The following RAD54L2 variants were observed in gnomAD, a reference collection of about 807,000 sequenced individuals.
RAD54L2 encodes RAD54 like 2, also known as helicase ARIP4.
In RAD54L2, 27 loss-of-function variants were observed where a neutral mutation model predicts 138.4. That is an observed-to-expected ratio of 0.20 (90% CI 0.14 to 0.27). The LOEUF (loss-of-function observed/expected upper bound fraction) is 0.27. Among genes scored for constraint, RAD54L2 ranks in the 10% least tolerant of loss-of-function variants. The pLI is 1.00. For synonymous variants in RAD54L2, 644 were observed against 723.2 expected (o/e 0.89, Z 1.76); for missense variants, 1,396 against 1,890.2 (o/e 0.74, Z 4.85).
chr3:51,589,988 T>A (rs571421683), intron 2 of RAD54L2, among the ~76,000 whole-genome samples: 1 of 152,048 alleles, frequency 6.6e-6, no homozygotes, highest in Non-Finnish European at 1.5e-5. Flanking sequence ...ATGTTCAGCA[T>A]TTTTTTCTTT....
At chr3:51,557,830 CAAAAA>C (rs1166273906) in intron 2 of RAD54L2, among the ~76,000 whole-genome samples, 121 of 32,220 alleles carry the variant, frequency 3.8e-3, no homozygotes, top group African/African-American at 0.014. Context: ...AACTCCATCT[CAAAAA>C]AAAAAAAAAA....
chr3:51,637,594 G>A lies in RAD54L2; in HGVS notation c.1682+91G>A. 1 of 1,285,536 alleles carries A rather than the reference G, an allele frequency of 7.8e-7. No individual in the cohort carries two copies. The highest frequency in any genetic ancestry group is 1.5e-5 in the African/African-American group (1 of 67,198). 79.6% of individuals were successfully genotyped at this position (1,285,536 alleles called of 1,614,324 possible). On this transcript the variant is annotated intron_variant, in intron 11 of 22. Coordinates refer to ENST00000684192, the MANE Select transcript of RAD54L2 (RefSeq NM_015106.4). This position sits in a 1 kb window ranked among gnomAD's most constrained non-coding sequence, Gnocchi z 5.9. ...ACCTGTTATACAGGATAGGGTGTTG[G>A]AGTAGGAGGGCCCCTTCCCTGGGGC...
At chr3:51,585,948 T>G (rs1699697549) in intron 2 of RAD54L2, among the ~76,000 whole-genome samples, 3 of 152,124 alleles carry the variant, frequency 2.0e-5, no homozygotes, top group African/African-American at 7.2e-5. Flanking sequence ...TCACTGGAGA[T>G]TGTAGCAGTG....
At chr3:51,566,050 G>A (rs1361086471) in intron 2 of RAD54L2, among the ~76,000 whole-genome samples, 2 of 151,094 alleles carry the variant, frequency 1.3e-5, no homozygotes, top group Non-Finnish European at 2.9e-5. Flanking sequence ...GGATAGTCTC[G>A]ATCTCCTGAC....
chr3:51,603,462 C>T (rs1002433948), intron 3 of RAD54L2, among the ~76,000 whole-genome samples: 5 of 152,020 alleles, frequency 3.3e-5, no homozygotes, highest in Non-Finnish European at 7.4e-5. Context: ...CAAAGATTAG[C>T]TGAACATGGT....
At chr3:51,615,377 G>A (rs1457779090) in intron 3 of RAD54L2, among the ~76,000 whole-genome samples, 1 of 152,194 alleles carries the variant, frequency 6.6e-6, no homozygotes, top group Non-Finnish European at 1.5e-5. Context: ...TGAAGAGTTA[G>A]GGAAAGCGTG....
chr3:51,588,938 C>A (rs1478405887), intron 2 of RAD54L2, among the ~76,000 whole-genome samples: 5 of 152,124 alleles, frequency 3.3e-5, no homozygotes, highest in Non-Finnish European at 7.4e-5. Context: ...TTCCTTCCTT[C>A]CTTTTGGTTT....
At position 51,627,533 on chromosome 3, in the gene RAD54L2, C is replaced by A. The variant is rs1485934824; in HGVS notation, c.140-20C>A. ...CCCCCTCACCCCTATAAAGCAATGT[C>A]TTTCCCCTTGTTTTTTCAGACCCAT... On this transcript the variant is annotated intron_variant, in intron 3 of 22. Coordinates refer to ENST00000684192, the MANE Select transcript of RAD54L2 (RefSeq NM_015106.4). 2 of 1,548,286 alleles carry A rather than the reference C, an allele frequency of 1.3e-6. No individual in the cohort carries two copies. The highest frequency in any genetic ancestry group is 8.7e-7 in the Non-Finnish European group (1 of 1,145,520).
intron 2 of RAD54L2, among the ~76,000 whole-genome samples, chr3:51,584,691 T>C (rs1048076057): frequency 3.3e-5 from 5 of 149,840 alleles, no homozygotes; most frequent in African/African-American, 7.3e-5. Flanking sequence ...GTACTTACTA[T>C]AGAGTAACTG....
At chr3:51,590,077 G>A (rs758898058) in intron 2 of RAD54L2, among the ~76,000 whole-genome samples, 1 of 152,134 alleles carries the variant, frequency 6.6e-6, no homozygotes, top group African/African-American at 2.4e-5. Context: ...TGCAACCTCT[G>A]CCTCCCCGGT....
In RAD54L2 at chr3:51,643,989, A is replaced by G; in HGVS notation, c.2450+15A>G. 1.3e-6 allele frequency: 2 copies of G among 1,574,478 alleles called. No homozygotes were observed. On this transcript the variant is annotated intron_variant, in intron 16 of 22. Coordinates refer to ENST00000684192, the MANE Select transcript of RAD54L2 (RefSeq NM_015106.4). Reference sequence around the variant, plus strand: ...CTCTCTACAAGGTGAGTGGATCCCAAGAGGGGAGGTCAAAGGAATCTGTTC... The same window carrying G: ...CTCTCTACAAGGTGAGTGGATCCCAGGAGGGGAGGTCAAAGGAATCTGTTC...
chr3:51,579,191 C>T (rs1365436679), intron 2 of RAD54L2, among the ~76,000 whole-genome samples: 2 of 143,188 alleles, frequency 1.4e-5, no homozygotes, highest in African/African-American at 5.2e-5. Context: ...GAGACAGAGT[C>T]TCACGGTGTC....
rs186955492 is a variant in RAD54L2, at chr3:51,628,545, A to G, written c.342-789A>G. On this transcript the variant is annotated intron_variant, in intron 4 of 22. Coordinates refer to ENST00000684192, the MANE Select transcript of RAD54L2 (RefSeq NM_015106.4). ...GCTGGAACCATAGGTGCCCGCCACCACACCTGGCTAATTTTTGTATTTGTA... is the reference window on the plus strand; with the variant it reads ...GCTGGAACCATAGGTGCCCGCCACCGCACCTGGCTAATTTTTGTATTTGTA... Among the ~76,000 whole-genome samples the G allele has an allele frequency of 1.1e-3, 164 of 152,130 alleles. 1 individual carries two copies. The highest frequency in any genetic ancestry group is 9.1e-3 in the Admixed American group (139 of 15,264).
At chr3:51,611,398 T>G (rs1559636133) in intron 3 of RAD54L2, 4 of 152,172 alleles carry the variant, frequency 2.6e-5, no homozygotes, top group African/African-American at 9.7e-5. Context: ...AAGCATTTAC[T>G]GTTTATGTTG....
intron 3 of RAD54L2, among the ~76,000 whole-genome samples, chr3:51,613,849 G>T (rs1231338410): frequency 1.3e-5 from 2 of 152,016 alleles, no homozygotes; most frequent in Non-Finnish European, 2.9e-5. Context: ...TTCTGCTAAA[G>T]CAGTGATTCG....
Position 51,630,892 on chromosome 3 carries a change from C to A in RAD54L2, c.786C>A (p.Phe262Leu), listed in dbSNP as rs1392426924. The change falls in exon 7 of 23, where the codon TTC becomes TTA. Residue 262 changes from phenylalanine (F) to leucine (L), a missense_variant. By Grantham distance (22) the Phe-to-Leu change is conservative. Coordinates refer to ENST00000684192, the MANE Select transcript of RAD54L2 (RefSeq NM_015106.4). The stretch of plus-strand genomic sequence containing the variant: ...ACCCTCCAGAGGAGGAAAATGTCTT[C>A]CTTGCCCCACAGTTGGCACGGGCTG... Reference protein sequence around the residue: ...LNHPPEEENVFLAPQLARAVK... With the variant: ...LNHPPEEENVLLAPQLARAVK... The A allele has an allele frequency of 1.2e-6, 2 of 1,613,748 alleles. No homozygotes were observed. The highest frequency in any genetic ancestry group is 1.7e-6 in the Non-Finnish European group (2 of 1,179,860).
intron 3 of RAD54L2, among the ~76,000 whole-genome samples, chr3:51,601,311 T>A (rs1450394729): frequency 1.7e-5 from 2 of 117,490 alleles, no homozygotes; most frequent in African/African-American, 6.5e-5. Flanking sequence ...TGCGCCCGGC[T>A]TTTTTTTTTT....
intron 3 of RAD54L2, among the ~76,000 whole-genome samples, chr3:51,609,509 G>A (rs534905754): frequency 6.6e-6 from 1 of 152,306 alleles, no homozygotes; most frequent in Admixed American, 6.5e-5. Context: ...TTACACTTGA[G>A]TGCATTTTGT....
Position 51,639,547 on chromosome 3 carries a change from A to G in RAD54L2, c.1989A>G (p.Lys663=). 6.2e-7 allele frequency: 1 copy of G among 1,613,998 alleles called. No individual in the cohort carries two copies. Among genetic ancestry groups the G allele is most frequent in the South Asian group, 1.1e-5 (1 of 91,082 alleles). ...TSARCPPQGT[K]GKGEDSTLAS... ...CCCGCTGTCCACCACAGGGAACAAAAGGCAAGGGAGAGGATAGCACCTTGG... is the reference window on the plus strand; with the variant it reads ...CCCGCTGTCCACCACAGGGAACAAAGGGCAAGGGAGAGGATAGCACCTTGG... The change falls in exon 13 of 23, where the codon AAA becomes AAG. Residue 663 remains lysine, a synonymous_variant. Transcript: ENST00000684192.
Sources: gnomAD v4.1 joint callset for allele counts (sites outside exome capture counted in the v4.1 genomes callset) on GRCh38, gnomAD v4.1.1 for gene constraint, Gnocchi (gnomAD v3.1) non-coding constraint, MANE v1.5 for transcripts, NCBI Gene and HGNC (gene_info 2026-07-23, HGNC 2026-07-21) for gene names.